FYB1: variants seen among roughly 807,000 people sequenced by gnomAD.
FYB1 encodes the protein FYN-binding protein 1.
Under a neutral mutation model 94.1 loss-of-function variants are expected in FYB1, and 41 were observed. The observed-to-expected ratio is 0.44, with a 90% CI of 0.34 to 0.57. FYB1 has a LOEUF of 0.57. Ranked by LOEUF, FYB1 falls within the 20% of genes least tolerant of loss-of-function variation. The probability of loss-of-function intolerance (pLI) is 0.02; values close to 1 mark genes in which losing one functional copy is unlikely to be tolerated. For synonymous variants in FYB1, 367 were observed against 353.2 expected, an observed-to-expected ratio of 1.04 and a Z score of -0.44; for missense variants, 1,050 against 976.8, an observed-to-expected ratio of 1.07 and a Z score of -1.00.
intron 1 of FYB1, among the ~76,000 whole-genome samples, chr5:39,242,589 A>G (rs752370455): frequency 1.0e-3 from 154 of 152,152 alleles, no homozygotes; most frequent in Middle Eastern, 3.4e-3. Flanking sequence ...GAATAGTGCC[A>G]CAATAAACAT....
At chr5:39,246,635 C>A (rs758634736) in intron 1 of FYB1, among the ~76,000 whole-genome samples, 2 of 152,068 alleles carry the variant, frequency 1.3e-5, no homozygotes, top group Non-Finnish European at 2.9e-5. Context: ...TTGAAAGTGA[C>A]TTTTATAGTG....
intron 1 of FYB1, chr5:39,269,504 C>T (rs1752579834): frequency 6.6e-6 from 1 of 150,528 alleles, no homozygotes; most frequent in Non-Finnish European, 1.5e-5. Context: ...ACCGTGTACT[C>T]CCCTTCTCAA....
In FYB1 at chr5:39,233,816, C is replaced by T. The variant is rs145641760; in HGVS notation, c.-27-30829G>A. On this transcript the variant is annotated intron_variant, in intron 1 of 1. Transcript: ENST00000510188. Reference sequence around the variant, plus strand: ...GGAAAAGGGAAGGATATCTTAATAGCCTTTTCAGATAATTATGTAGTATCT... The same window carrying T: ...GGAAAAGGGAAGGATATCTTAATAGTCTTTTCAGATAATTATGTAGTATCT... Among the ~76,000 whole-genome samples the T allele has an allele frequency of 2.7e-3, 418 of 152,162 alleles. 3 individuals carry two copies. The highest frequency in any genetic ancestry group is 9.6e-3 in the African/African-American group (400 of 41,504).
At chr5:39,192,133 T>C (rs1747419929) in intron 2 of FYB1, among the ~76,000 whole-genome samples, 1 of 152,252 alleles carries the variant, frequency 6.6e-6, no homozygotes, top group Admixed American at 6.5e-5. Flanking sequence ...TCCTGCAGAC[T>C]GAATCATAAC....
intron 8 of FYB1, 51 bp downstream of exon 8, chr5:39,134,804 T>C: frequency 1.3e-6 from 2 of 1,593,332 alleles, no homozygotes; most frequent in Non-Finnish European, 1.7e-6. Context: ...GTACATTGAA[T>C]ATTGCCTCGC....
chr5:39,237,700 C>G (rs892354195), intron 1 of FYB1, among the ~76,000 whole-genome samples: 1 of 151,986 alleles, frequency 6.6e-6, no homozygotes, highest in Non-Finnish European at 1.5e-5. Flanking sequence ...GGAAAAGAAA[C>G]CCAGTGGGAG....
At chr5:39,164,843 A>G (rs2150382840) in intron 2 of FYB1, among the ~76,000 whole-genome samples, 1 of 152,360 alleles carries the variant, frequency 6.6e-6, no homozygotes, top group South Asian at 2.1e-4. Flanking sequence ...TCCTTGCTAA[A>G]ACTATGAAGT....
intron 2 of FYB1, among the ~76,000 whole-genome samples, chr5:39,187,494 A>C (rs879786844): frequency 6.6e-6 from 1 of 152,248 alleles, no homozygotes; most frequent in Non-Finnish European, 1.5e-5. Flanking sequence ...CATTGTTACT[A>C]AATGATGAGA....
intron 1 of FYB1, among the ~76,000 whole-genome samples, chr5:39,254,003 T>A (rs888854280): frequency 2.6e-5 from 4 of 152,138 alleles, no homozygotes; most frequent in Non-Finnish European, 5.9e-5. Context: ...CCACGTCCCA[T>A]CCATGAATGA....
intron 10 of FYB1, among the ~76,000 whole-genome samples, chr5:39,130,109 T>C (rs2150308185): frequency 6.6e-6 from 1 of 151,778 alleles, no homozygotes; most frequent in Admixed American, 6.6e-5. Context: ...TTTGCAGCAA[T>C]ATGGATGAAA....
At chr5:39,204,002 A>G (rs1323831558) in intron 1 of FYB1, among the ~76,000 whole-genome samples, 1 of 152,136 alleles carries the variant, frequency 6.6e-6, no homozygotes, top group Non-Finnish European at 1.5e-5. Flanking sequence ...AAATCACTGA[A>G]GTTAACCAAT....
rs2097744155 is a variant in FYB1 at position 39,134,706 on chromosome 5, C to G, written c.1675+149G>C. 3 of 746,438 alleles carry G rather than the reference C, an allele frequency of 4.0e-6. No individual in the cohort carries two copies. The African/African-American group carries it at 5.3e-5, about 13-fold the overall frequency. The allele number at this position is 746,438 out of a possible 1,614,324, so 46.2% of individuals were successfully genotyped here. ...GATAACAGATGAGGTGAAGACGGAA[C>G]TATACCTGCCATTTAACATTTTCCT... On this transcript the variant is annotated intron_variant, in intron 8 of 18. Coordinates refer to ENST00000512982, the MANE Select transcript of FYB1 (RefSeq NM_001465.6).
At chr5:39,222,363 T>C (rs957256972), upstream of FYB1, among the ~76,000 whole-genome samples, 3 of 152,222 alleles carry the variant, frequency 2.0e-5, no homozygotes, top group African/African-American at 7.2e-5. Context: ...GAAGGCACTT[T>C]ATAAACATTA....
intron 3 of FYB1, among the ~76,000 whole-genome samples, chr5:39,146,014 G>A (rs1742617919): frequency 6.6e-6 from 1 of 151,790 alleles, no homozygotes; most frequent in Non-Finnish European, 1.5e-5. Context: ...CCGGGTTCAA[G>A]GGATTCTCCT....
chr5:39,130,579 G>C lies in FYB1; in HGVS notation c.1840+11C>G. 1 of 1,568,694 alleles carries C rather than the reference G, an allele frequency of 6.4e-7. No homozygotes were observed. The highest frequency in any genetic ancestry group is 8.7e-7 in the Non-Finnish European group (1 of 1,153,788). On this transcript the variant is annotated intron_variant, in intron 10 of 18. Coordinates refer to ENST00000512982, the MANE Select transcript of FYB1 (RefSeq NM_001465.6). ...ATTGTAAAATGTCATTTTAAGAAGC[G>C]TGTGGCTTACCTCCACTTCCACTCT... is the stretch of plus-strand genomic sequence containing the variant.
intron 2 of FYB1, among the ~76,000 whole-genome samples, chr5:39,164,044 G>A (rs540075162): frequency 6.6e-6 from 1 of 152,252 alleles, no homozygotes; most frequent in South Asian, 2.1e-4. Flanking sequence ...ATCAATATAA[G>A]CCAGTAATAT....
intron 2 of FYB1, among the ~76,000 whole-genome samples, chr5:39,180,154 T>C (rs1746087018): frequency 6.6e-6 from 1 of 152,200 alleles, no homozygotes; most frequent in Admixed American, 6.5e-5. Context: ...TGGTGTTTAA[T>C]AATTGCTATC....
intron 1 of FYB1, chr5:39,250,864 G>A (rs992154675): frequency 6.6e-6 from 1 of 152,136 alleles, no homozygotes; most frequent in Non-Finnish European, 1.5e-5. Flanking sequence ...AATGGATGAC[G>A]TCTTAAGCTG....
At chr5:39,266,232 A>G (rs1752433405) in intron 1 of FYB1, among the ~76,000 whole-genome samples, 1 of 152,218 alleles carries the variant, frequency 6.6e-6, no homozygotes, top group South Asian at 2.1e-4. Flanking sequence ...CTCTTCTCCC[A>G]CTTCTAAAAT....
Sources: gnomAD v4.1 joint callset for allele counts (sites outside exome capture counted in the v4.1 genomes callset) on GRCh38, gnomAD v4.1.1 for gene constraint, MANE v1.5 for transcripts, NCBI Gene and HGNC (gene_info 2026-07-23, HGNC 2026-07-21) for gene names.